Variants in PARD3B observed in about 807,000 individuals in gnomAD.
PARD3B encodes the protein par-3 family cell polarity regulator beta, also known as partitioning defective 3 homolog B.
PARD3B carries 103 observed loss-of-function variants against 130.2 expected under a neutral mutation model. The observed-to-expected ratio is 0.79, with a 90% CI of 0.67 to 0.93. The LOEUF (loss-of-function observed/expected upper bound fraction) is 0.93. Among genes scored for constraint, PARD3B ranks in the 40% least tolerant of loss-of-function variants. The probability of loss-of-function intolerance (pLI) is 0.00; values close to 1 mark genes in which losing one functional copy is unlikely to be tolerated. For missense variants in PARD3B, 1,609 were observed against 1,499.2 expected (o/e 1.07, Z -1.21); for synonymous variants, 583 against 553.2 (o/e 1.05, Z -0.76).
chr2:205,163,526 CT>C (rs1414592199), intron 11 of PARD3B, among the ~76,000 whole-genome samples: 3 of 152,302 alleles, frequency 2.0e-5, no homozygotes, highest in East Asian at 3.9e-4. Flanking sequence ...ATAATCTGCA[CT>C]GTTTAGTAAT....
At chr2:205,373,743 A>T (rs2044916534) in intron 18 of PARD3B, among the ~76,000 whole-genome samples, 1 of 152,190 alleles carries the variant, frequency 6.6e-6, no homozygotes, top group African/African-American at 2.4e-5. Context: ...CTTGATCCGC[A>T]ACTGTGATCT....
chr2:204,980,952 A>C (rs1429853490), intron 3 of PARD3B, among the ~76,000 whole-genome samples: 2 of 152,208 alleles, frequency 1.3e-5, no homozygotes, highest in Non-Finnish European at 2.9e-5. Flanking sequence ...TAGTTTTGAC[A>C]TACATACCAT....
At chr2:205,426,618 G>A (rs1450307662) in intron 19 of PARD3B, among the ~76,000 whole-genome samples, 6 of 152,150 alleles carry the variant, frequency 3.9e-5, no homozygotes, top group Admixed American at 3.9e-4. Flanking sequence ...TGACTCTGTT[G>A]TTTGGGTTCA....
chr2:204,545,758 C>G lies in PARD3B; in HGVS notation c.-242C>G. 2 of 394,348 alleles carry G rather than the reference C, an allele frequency of 5.1e-6. No individual in the cohort carries two copies. 24.4% of individuals were successfully genotyped at this position (394,348 alleles called of 1,614,324 possible). A position where few individuals can be genotyped will look rare whatever the true frequency, so the allele number is the denominator to read the frequency against. The stretch of plus-strand genomic sequence containing the variant: ...CCGGTGCCGCGGAGCTGCCGCGTCC[C>G]GGGCCGCCGGGCACCTGGGAGGTAA... On this transcript the variant is annotated 5_prime_UTR_variant, in exon 1 of 23. Coordinates refer to ENST00000406610, the MANE Select transcript of PARD3B (RefSeq NM_001302769.2).
chr2:204,927,273 A>T (rs115630807), intron 2 of PARD3B, among the ~76,000 whole-genome samples: 2,675 of 151,822 alleles, frequency 0.018, 77 homozygotes, highest in African/African-American at 0.061. Flanking sequence ...GGCCTGGGGG[A>T]GGTGATTAAG....
chr2:205,518,095 G>T (rs1332232523), intron 21 of PARD3B, among the ~76,000 whole-genome samples: 2 of 152,114 alleles, frequency 1.3e-5, no homozygotes, highest in Non-Finnish European at 2.9e-5. Context: ...AGCCCTGTCA[G>T]TTCCATTTGG....
rs542478316 is a variant in PARD3B at position 205,516,266 on chromosome 2, T to C, written c.3180+16235T>C. Reference sequence around the variant, plus strand: ...TTTGTTATTTTTGCTTATGATTGCCTTTGCTATTTGGTCTCTTTTTGGTTC... The same window carrying C: ...TTTGTTATTTTTGCTTATGATTGCCCTTGCTATTTGGTCTCTTTTTGGTTC... On this transcript the variant is annotated intron_variant, in intron 21 of 22. Transcript: ENST00000406610. 6.6e-5 allele frequency among the ~76,000 whole-genome samples: 10 copies of C among 152,294 alleles called. No individual in the cohort carries two copies. In the Middle Eastern group the frequency reaches 0.01, roughly 155 times the overall value.
chr2:204,941,393 C>G (rs549782100), intron 2 of PARD3B, among the ~76,000 whole-genome samples: 2 of 152,150 alleles, frequency 1.3e-5, no homozygotes, highest in Non-Finnish European at 2.9e-5. Flanking sequence ...AAGGAAAGTT[C>G]TAACACCTTA....
intron 18 of PARD3B, among the ~76,000 whole-genome samples, chr2:205,393,649 T>C (rs116162000): frequency 0.018 from 2,792 of 152,316 alleles, 83 homozygotes; most frequent in African/African-American, 0.063. Context: ...CACAGGACAT[T>C]GCTCAGGATC....
intron 8 of PARD3B, among the ~76,000 whole-genome samples, chr2:205,123,153 A>C (rs757602711): frequency 1.3e-5 from 2 of 152,234 alleles, no homozygotes; most frequent in Non-Finnish European, 2.9e-5. Flanking sequence ...GGATAAGTAA[A>C]GGGTGCACTG....
intron 2 of PARD3B, among the ~76,000 whole-genome samples, chr2:204,765,341 T>C (rs573022147): frequency 6.6e-6 from 1 of 152,326 alleles, no homozygotes; most frequent in African/African-American, 2.4e-5. Flanking sequence ...GGTGTTCTTA[T>C]GCTGTCTAAA....
chr2:205,123,665 AAAAAAAAAT>A (rs2031029875), intron 8 of PARD3B, among the ~76,000 whole-genome samples: 1 of 99,812 alleles, frequency 1.0e-5, no homozygotes, highest in Non-Finnish European at 2.0e-5. Flanking sequence ...TCAAAAAAAA[AAAAAAAAAT>A]AAGTGGTGGG....
At position 205,418,488 on chromosome 2, in the gene PARD3B, A is replaced by G. The variant is rs553748232; in HGVS notation, c.2741+17365A>G. Reference sequence around the variant, plus strand: ...AAAGCTAACTATGATAAATGCTGAAAGGGGGTTTAAAAATGCTATATGATC... The same window carrying G: ...AAAGCTAACTATGATAAATGCTGAAGGGGGGTTTAAAAATGCTATATGATC... On this transcript the variant is annotated intron_variant, in intron 19 of 22. Transcript: ENST00000406610. Among the ~76,000 whole-genome samples the G allele has an allele frequency of 9.2e-5, 14 of 152,270 alleles. 1 individual carries two copies. In the South Asian group the frequency reaches 2.9e-3, roughly 32 times the overall value.
At chr2:205,376,256 A>C (rs559960031) in intron 18 of PARD3B, among the ~76,000 whole-genome samples, 4 of 152,296 alleles carry the variant, frequency 2.6e-5, no homozygotes, top group East Asian at 3.9e-4. Flanking sequence ...GGATCAAAGC[A>C]GGCAGAGTCC....
At chr2:204,546,761 G>C (rs1353418691) in intron 1 of PARD3B, among the ~76,000 whole-genome samples, 1 of 152,182 alleles carries the variant, frequency 6.6e-6, no homozygotes, top group Non-Finnish European at 1.5e-5. Flanking sequence ...ATGTGTGTGG[G>C]CTGTTGTCAG....
Position 204,965,291 on chromosome 2 carries a change from A to T in PARD3B, c.362A>T (p.Glu121Val), listed in dbSNP as rs769111419. The T allele has an allele frequency of 1.2e-6, 2 of 1,613,742 alleles. No individual in the cohort carries two copies. The highest frequency in any genetic ancestry group is 4.5e-5 in the East Asian group (2 of 44,886). ...GCCGCATTTAAGCCAATTGGTGGGG[A>T]GATTGAAGTAACCCCTTCTGCTCTA... ...QLAAFKPIGG[E>V]IEVTPSALKL... Residue 121 changes from glutamate (E) to valine (V), a missense_variant, in exon 3 of 23, where the codon GAG becomes GTG. Physicochemically the swap from Glu to Val is moderately radical, Grantham distance 121 (BLOSUM62 -2). Coordinates refer to ENST00000406610, the MANE Select transcript of PARD3B (RefSeq NM_001302769.2).
rs184811690 is a variant in PARD3B at position 204,833,470 on chromosome 2, G to A, written c.223-131682G>A. On this transcript the variant is annotated intron_variant, in intron 2 of 22. Transcript: ENST00000406610. ...ATGCCCCTTCTGATTGAAACCCTTC[G>A]ATATGGTTTGGCTGTGTCCCCACCC... Among the ~76,000 whole-genome samples, 125 of 152,004 alleles carry A rather than the reference G, an allele frequency of 8.2e-4. 1 individual carries two copies. The highest frequency in any genetic ancestry group is 1.4e-3 in the Non-Finnish European group (98 of 68,000).
At chr2:204,657,107 C>T (rs2035664570) in intron 1 of PARD3B, among the ~76,000 whole-genome samples, 12 of 152,196 alleles carry the variant, frequency 7.9e-5, no homozygotes, top group Admixed American at 7.9e-4. Context: ...GCACAGATTC[C>T]ATCCCACTGT....
chr2:205,148,437 GA>G (rs1317702698), intron 10 of PARD3B, among the ~76,000 whole-genome samples: 9 of 152,120 alleles, frequency 5.9e-5, no homozygotes, highest in African/African-American at 2.2e-4. Flanking sequence ...ACTCTAGGAT[GA>G]TATCCACATT....
Sources: allele counts gnomAD v4.1 joint callset (sites outside exome capture counted in the v4.1 genomes callset), GRCh38; gene constraint gnomAD v4.1.1; transcripts MANE v1.5; gene names NCBI Gene and HGNC (gene_info 2026-07-23, HGNC 2026-07-21).